TBCK: variants seen among roughly 807,000 people sequenced by gnomAD.
TBCK encodes TBC domain-containing protein kinase-like protein.
Under a neutral mutation model 113.4 loss-of-function variants are expected in TBCK, and 99 were observed. That is an observed-to-expected ratio of 0.87 (90% CI 0.74 to 1.03). The LOEUF is 1.03. TBCK is among the 50% of genes least tolerant of loss of function. TBCK has a pLI of 0.00. For synonymous variants in TBCK, 369 were observed against 370.8 expected (o/e 1.00, Z 0.05); for missense variants, 1,045 against 1,061.3 (o/e 0.98, Z 0.21).
chr4:106,247,557 T>C, intron 9 of TBCK: 1 of 290,406 alleles, frequency 3.4e-6, no homozygotes. Flanking sequence ...TGTTTACTTT[T>C]ACCCTGACTA....
intron 25 of TBCK, among the ~76,000 whole-genome samples, chr4:106,073,524 C>G (rs1737765308): frequency 6.6e-6 from 1 of 152,202 alleles, no homozygotes; most frequent in South Asian, 2.1e-4. Context: ...TATGAGGTGT[C>G]AGTCAGCCCC....
chr4:106,140,177 TA>T (rs1195357489), intron 23 of TBCK, among the ~76,000 whole-genome samples: 2 of 141,152 alleles, frequency 1.4e-5, no homozygotes, highest in African/African-American at 5.0e-5. Context: ...CAAGAAAAAG[TA>T]TTTGATAAAT....
chr4:106,225,732 C>T (rs1234104398), intron 19 of TBCK, among the ~76,000 whole-genome samples: 12 of 152,054 alleles, frequency 7.9e-5, no homozygotes, highest in Admixed American at 7.9e-4. Flanking sequence ...GCTGGGATTA[C>T]AGGCGTGAGC....
intron 25 of TBCK, among the ~76,000 whole-genome samples, chr4:106,080,128 C>T (rs1738683808): frequency 6.6e-6 from 1 of 151,922 alleles, no homozygotes; most frequent in South Asian, 2.1e-4. Context: ...ACAGATTCAA[C>T]ATTATTCCTG....
chr4:106,063,910 G>A (rs1009618393), intron 25 of TBCK, among the ~76,000 whole-genome samples: 17 of 151,824 alleles, frequency 1.1e-4, no homozygotes, highest in African/African-American at 4.1e-4. Context: ...AATTTCTATT[G>A]TTATAAGCCA....
chr4:106,155,076 G>C (rs1392333345), intron 23 of TBCK, among the ~76,000 whole-genome samples: 1 of 150,392 alleles, frequency 6.6e-6, no homozygotes, highest in Non-Finnish European at 1.5e-5. Context: ...CTTTTTGTTT[G>C]TCTGGGAAGT....
rs150059338 is a variant in TBCK, at chr4:106,242,518, C to G, written c.1122G>C (p.Ser374=). 20 of 1,608,920 alleles carry G rather than the reference C, an allele frequency of 1.2e-5. No individual in the cohort carries two copies. Among genetic ancestry groups the G allele is most frequent in the South Asian group, 4.4e-5 (4 of 90,266 alleles). ...ESFGQGRDRS[S]LLDDTTVTLS... ...ATGTCACAGTGGTATCATCTAAAAG[C>G]GAGCTTCTATCTCGACCTTGTCCAA... is the stretch of plus-strand genomic sequence containing the variant. The change falls in exon 12 of 26, where the codon TCG becomes TCC. Residue 374 remains serine (S), a synonymous_variant. Transcript: ENST00000394708.
At chr4:106,156,839 C>G (rs1274745538) in intron 23 of TBCK, among the ~76,000 whole-genome samples, 1 of 152,132 alleles carries the variant, frequency 6.6e-6, no homozygotes, top group Non-Finnish European at 1.5e-5. Flanking sequence ...CCACAAGAGC[C>G]TGCTTGGTAC....
chr4:106,251,618 CATT>C (rs1761434532), intron 6 of TBCK, among the ~76,000 whole-genome samples: 3 of 151,800 alleles, frequency 2.0e-5, no homozygotes, highest in African/African-American at 7.2e-5. Context: ...AAAATATACA[CATT>C]ATAGAGATAT....
chr4:106,156,455 C>T (rs988384092), intron 23 of TBCK, among the ~76,000 whole-genome samples: 4 of 152,154 alleles, frequency 2.6e-5, no homozygotes, highest in African/African-American at 9.7e-5. Context: ...TTTTTCCTTC[C>T]CTTCAGGGCA....
chr4:106,090,975 T>C (rs1740153916), intron 25 of TBCK, among the ~76,000 whole-genome samples: 1 of 152,212 alleles, frequency 6.6e-6, no homozygotes, highest in African/African-American at 2.4e-5. Context: ...CCTCTGCCTA[T>C]TACCCAGTTC....
At chr4:106,165,369 G>C (rs1020528003) in intron 23 of TBCK, among the ~76,000 whole-genome samples, 1 of 151,674 alleles carries the variant, frequency 6.6e-6, no homozygotes, top group African/African-American at 2.4e-5. Flanking sequence ...ATAGTATTAA[G>C]ACTAAGAAGT....
In TBCK at chr4:106,295,169, G is replaced by A. The variant is rs773178478; in HGVS notation, c.194-3C>T. ...TTCAGCCACGACCACTAGTCGTTCTGAGAAAAACAAAGCAAACCCATGTTA... is the reference window on the plus strand; with the variant it reads ...TTCAGCCACGACCACTAGTCGTTCTAAGAAAAACAAAGCAAACCCATGTTA... On this transcript the variant is annotated splice_polypyrimidine_tract_variant and splice_region_variant and intron_variant, in intron 2 of 25. Coordinates refer to ENST00000394708, the MANE Select transcript of TBCK (RefSeq NM_001163435.3). 6.2e-7 allele frequency: 1 copy of A among 1,609,028 alleles called. No homozygotes were observed. Among genetic ancestry groups the A allele is most frequent in the Admixed American group, 1.7e-5 (1 of 58,494 alleles).
chr4:106,313,913 C>T (rs1768460510), intron 1 of TBCK, among the ~76,000 whole-genome samples: 1 of 152,106 alleles, frequency 6.6e-6, no homozygotes, highest in South Asian at 2.1e-4. Context: ...ATATTTTGCC[C>T]TTGGCAGGAA....
At chr4:106,226,433 G>GC (rs1157747773) in intron 19 of TBCK, among the ~76,000 whole-genome samples, 2 of 152,132 alleles carry the variant, frequency 1.3e-5, no homozygotes, top group African/African-American at 4.8e-5. Context: ...AGTCTAATCA[G>GC]CTCATGTTAT....
chr4:106,158,422 A>G (rs925790981), intron 23 of TBCK, among the ~76,000 whole-genome samples: 11 of 152,180 alleles, frequency 7.2e-5, no homozygotes, highest in Admixed American at 4.6e-4. Flanking sequence ...CATGCCTGTA[A>G]TCATGGTGAA....
At chr4:106,151,730 T>A (rs775533152) in intron 23 of TBCK, among the ~76,000 whole-genome samples, 1 of 152,028 alleles carries the variant, frequency 6.6e-6, no homozygotes, top group Non-Finnish European at 1.5e-5. Flanking sequence ...GAACATGGAA[T>A]CTCTTTCCTT....
At chr4:106,279,976 A>G (rs997190671) in intron 3 of TBCK, among the ~76,000 whole-genome samples, 1 of 152,088 alleles carries the variant, frequency 6.6e-6, no homozygotes, top group Non-Finnish European at 1.5e-5. Flanking sequence ...ATCATATGAT[A>G]GCCTTATTTT....
intron 23 of TBCK, among the ~76,000 whole-genome samples, chr4:106,130,514 G>A (rs1745756548): frequency 6.6e-6 from 1 of 150,442 alleles, no homozygotes; most frequent in Non-Finnish European, 1.5e-5. Context: ...TATTATTAAG[G>A]GGATATTATA....
Sources: gnomAD v4.1 joint callset for allele counts (sites outside exome capture counted in the v4.1 genomes callset) on GRCh38, gnomAD v4.1.1 for gene constraint, MANE v1.5 for transcripts, NCBI Gene and HGNC (gene_info 2026-07-23, HGNC 2026-07-21) for gene names.